The following PDE3A variants were observed in gnomAD, a reference collection of about 807,000 sequenced individuals.
PDE3A encodes the protein phosphodiesterase 3A.
PDE3A carries 43 observed loss-of-function variants against 98.3 expected under a neutral mutation model. That is an observed-to-expected ratio of 0.44 (90% CI 0.34 to 0.56). The LOEUF (loss-of-function observed/expected upper bound fraction) is 0.56, where lower values mean the gene tolerates loss of function less well. PDE3A is among the 20% of genes least tolerant of loss of function. The pLI, the probability that PDE3A is intolerant of heterozygous loss-of-function variation, is 0.01. For synonymous variants in PDE3A, 663 were observed against 567.9 expected (o/e 1.17, Z -2.38); for missense variants, 1,427 against 1,440.7 (o/e 0.99, Z 0.15).
chr12:20,650,398 T>C, intron 13 of PDE3A, 47 bp from the exon 14 acceptor site: 1 of 1,300,090 alleles, frequency 7.7e-7, no homozygotes, highest in Non-Finnish European at 1.1e-6. Flanking sequence ...TATTCAACTT[T>C]TGTTTTTATC....
chr12:20,551,610 C>A lies in PDE3A; in HGVS notation c.961-5050C>A, dbSNP rs868308058. 3.1e-5 allele frequency: 48 copies of A among 1,563,324 alleles called. 1 individual carries two copies. In the South Asian group the frequency reaches 3.2e-4, roughly 10 times the overall value. On this transcript the variant is annotated intron_variant, in intron 1 of 15. Coordinates refer to ENST00000359062, the MANE Select transcript of PDE3A (RefSeq NM_000921.5). ...ACCTGTGCGGGGGCCGGCAGGACCC[C>A]GACAAGCAGCTCATGTGCGATGAGT...
intron 1 of PDE3A, among the ~76,000 whole-genome samples, chr12:20,420,349 G>A (rs1375185341): frequency 6.6e-6 from 1 of 152,128 alleles, no homozygotes; most frequent in African/African-American, 2.4e-5. Context: ...ACTCAGTCAA[G>A]TCTCGAGCTC....
chr12:20,517,830 C>T (rs1946351103), intron 1 of PDE3A, among the ~76,000 whole-genome samples: 3 of 152,290 alleles, frequency 2.0e-5, no homozygotes, highest in South Asian at 4.1e-4. Flanking sequence ...CAATCTCTCG[C>T]TAACTTGACA....
chr12:20,668,830 C>T (rs564694170), intron 15 of PDE3A, among the ~76,000 whole-genome samples: 225 of 151,768 alleles, frequency 1.5e-3, no homozygotes, highest in African/African-American at 4.7e-3. Context: ...TCACCAGCAA[C>T]GGAACAAAGC....
intron 1 of PDE3A, among the ~76,000 whole-genome samples, chr12:20,423,556 C>T (rs946448156): frequency 6.6e-6 from 1 of 152,142 alleles, no homozygotes; most frequent in African/African-American, 2.4e-5. Context: ...GGTGTTCCTT[C>T]AAAAACAGAC....
intron 1 of PDE3A, among the ~76,000 whole-genome samples, chr12:20,387,349 A>G (rs1026867070): frequency 2.0e-5 from 3 of 152,062 alleles, no homozygotes; most frequent in African/African-American, 7.2e-5. Context: ...CTTTGAATCT[A>G]TAAATTACTT....
At chr12:20,588,747 A>G (rs1943248364) in intron 2 of PDE3A, among the ~76,000 whole-genome samples, 1 of 152,112 alleles carries the variant, frequency 6.6e-6, no homozygotes, top group Non-Finnish European at 1.5e-5. Context: ...TGTAGGAGAA[A>G]AAGAAGTTGA....
chr12:20,593,320 G>C (rs1943383903), intron 2 of PDE3A, among the ~76,000 whole-genome samples: 1 of 152,140 alleles, frequency 6.6e-6, no homozygotes, highest in Non-Finnish European at 1.5e-5. Flanking sequence ...ACTGGAAAAG[G>C]GCGGCGGGTT....
intron 1 of PDE3A, among the ~76,000 whole-genome samples, chr12:20,452,727 C>T (rs1013131140): frequency 1.3e-5 from 2 of 152,186 alleles, no homozygotes; most frequent in Admixed American, 6.5e-5. Flanking sequence ...AACAGTCACC[C>T]TTTCATCACG....
rs750285955 is a variant in PDE3A at position 20,630,070 on chromosome 12, C to G, written c.1703C>G (p.Thr568Ser). The change falls in exon 6 of 16, where the codon ACT (threonine) becomes AGT (serine). Residue 568 changes from threonine to serine, a missense_variant. By Grantham distance (58) the Thr-to-Ser change is moderately conservative. This residue lies in a region of PDE3A where 1,012 missense variants were observed against 886.5 expected (regional missense o/e 1.14). Coordinates refer to ENST00000359062, the MANE Select transcript of PDE3A (RefSeq NM_000921.5). ...SLGSHRALTYTQSAPDLSPQI... is the reference protein window; with the variant it reads ...SLGSHRALTYSQSAPDLSPQI... ...GGTTCTCACAGGGCCTTAACTTACACTCAGAGTGCCCCAGACCTATCCCCT... is the reference window on the plus strand; with the variant it reads ...GGTTCTCACAGGGCCTTAACTTACAGTCAGAGTGCCCCAGACCTATCCCCT... 1 of 1,613,954 alleles carries G rather than the reference C, an allele frequency of 6.2e-7. No homozygotes were observed. The highest frequency in any genetic ancestry group is 8.5e-7 in the Non-Finnish European group (1 of 1,179,906).
At chr12:20,486,734 A>T in intron 1 of PDE3A, among the ~76,000 whole-genome samples, 1 of 152,190 alleles carries the variant, frequency 6.6e-6, no homozygotes, top group East Asian at 1.9e-4. Flanking sequence ...TCCAGGTTCA[A>T]GCAATTCTCA....
intron 5 of PDE3A, among the ~76,000 whole-genome samples, chr12:20,626,699 T>C (rs1944270725): frequency 1.3e-5 from 2 of 152,274 alleles, no homozygotes; most frequent in African/African-American, 4.8e-5. Context: ...GGTTTCACCA[T>C]GTTGGCCAGG....
At chr12:20,616,466 G>A (rs1944010707) in intron 4 of PDE3A, 82 bp downstream of exon 4, 7 of 1,354,200 alleles carry the variant, frequency 5.2e-6, no homozygotes, top group South Asian at 2.6e-5. Context: ...GGAGAAGGAA[G>A]GCTAACCAAT....
chr12:20,501,012 C>T (rs765667498), intron 1 of PDE3A, among the ~76,000 whole-genome samples: 3 of 152,116 alleles, frequency 2.0e-5, no homozygotes, highest in Non-Finnish European at 2.9e-5. Context: ...AAGCAATCTG[C>T]CCACCTCGGT....
intron 9 of PDE3A, among the ~76,000 whole-genome samples, chr12:20,638,799 T>C (rs747789565): frequency 6.6e-6 from 1 of 152,150 alleles, no homozygotes; most frequent in Non-Finnish European, 1.5e-5. Flanking sequence ...TCATTTTATA[T>C]TTGATGTATA....
chr12:20,680,508 G>A lies in PDE3A; in HGVS notation c.*237G>A. The A allele has an allele frequency of 2.0e-6, 1 of 496,550 alleles. No individual in the cohort carries two copies. The highest frequency in any genetic ancestry group is 3.7e-6 in the Non-Finnish European group (1 of 273,078). 30.8% of individuals were successfully genotyped at this position (496,550 alleles called of 1,614,324 possible). ...AGCTTCTAAGGATTTTTTAAGGAGG[G>A]AATATATATGTGTGTGTGTATATAA... is the stretch of plus-strand genomic sequence containing the variant. On this transcript the variant is annotated 3_prime_UTR_variant, in exon 16 of 16. Transcript: ENST00000359062.
At chr12:20,457,635 G>T (rs923363851) in intron 1 of PDE3A, among the ~76,000 whole-genome samples, 19 of 151,224 alleles carry the variant, frequency 1.3e-4, no homozygotes, top group Non-Finnish European at 2.7e-4. Flanking sequence ...AATGCAACTA[G>T]ATAGAAAAGG....
intron 2 of PDE3A, among the ~76,000 whole-genome samples, chr12:20,566,491 A>T (rs1942659166): frequency 6.6e-6 from 1 of 151,660 alleles, no homozygotes; most frequent in Admixed American, 6.6e-5. Context: ...TTTACATAGT[A>T]TCAGCGATAC....
At chr12:20,580,289 C>T (rs1943033984) in intron 2 of PDE3A, among the ~76,000 whole-genome samples, 1 of 151,984 alleles carries the variant, frequency 6.6e-6, no homozygotes, top group Admixed American at 6.6e-5. Context: ...AGACATGGCT[C>T]CTTACCTCAA....
Sources: gnomAD v4.1 joint callset for allele counts (sites outside exome capture counted in the v4.1 genomes callset) on GRCh38, gnomAD v4.1.1 for gene constraint, gnomAD v4.1.1 regional missense constraint, MANE v1.5 for transcripts, NCBI Gene and HGNC (gene_info 2026-07-23, HGNC 2026-07-21) for gene names.